The following PIGK variants were observed in gnomAD, a reference collection of about 807,000 sequenced individuals.
PIGK encodes phosphatidylinositol glycan anchor biosynthesis class K.
PIGK carries 42 observed loss-of-function variants against 50.6 expected under a neutral mutation model. The observed-to-expected ratio is 0.83, with a 90% CI of 0.65 to 1.07. The LOEUF is 1.07. Among genes scored for constraint, PIGK ranks in the 50% least tolerant of loss-of-function variants. The pLI, the probability that PIGK is intolerant of heterozygous loss-of-function variation, is 0.00. For synonymous variants in PIGK, 151 were observed against 156.0 expected, an observed-to-expected ratio of 0.97 and a Z score of 0.24; for missense variants, 448 against 488.7, an observed-to-expected ratio of 0.92 and a Z score of 0.78.
At chr1:77,132,588 G>T (rs1654402057) in intron 9 of PIGK, among the ~76,000 whole-genome samples, 1 of 151,832 alleles carries the variant, frequency 6.6e-6, no homozygotes, top group African/African-American at 2.4e-5. Flanking sequence ...AGATGGTGGG[G>T]TTTTTTGTCT....
Position 77,168,127 on chromosome 1 carries a change from T to A in PIGK, c.375+1133A>T, listed in dbSNP as rs935238105. On this transcript the variant is annotated intron_variant, in intron 4 of 10. Transcript: ENST00000370812. ...AGTGGTATCTTTAACATGTAAAAAA[T>A]TCATAACACTTTAAACGAGATTTTC... Among the ~76,000 whole-genome samples, 24 of 152,166 alleles carry A rather than the reference T, an allele frequency of 1.6e-4. No individual in the cohort carries two copies. The East Asian group carries it at 2.7e-3, about 17-fold the overall frequency.
chr1:77,214,098 A>C (rs778210351), intron 1 of PIGK, among the ~76,000 whole-genome samples: 1 of 152,268 alleles, frequency 6.6e-6, no homozygotes, highest in Non-Finnish European at 1.5e-5. Flanking sequence ...AATTCTACCA[A>C]ACTTTTAAAG....
intron 3 of PIGK, among the ~76,000 whole-genome samples, chr1:77,183,049 T>C (rs1468250404): frequency 3.3e-5 from 5 of 152,150 alleles, no homozygotes; most frequent in Non-Finnish European, 7.3e-5. Context: ...TCTTATCTCC[T>C]GTAGAGAAAG....
chr1:77,185,467 A>G (rs1570248827), intron 3 of PIGK, among the ~76,000 whole-genome samples: 1 of 152,168 alleles, frequency 6.6e-6, no homozygotes, highest in African/African-American at 2.4e-5. Flanking sequence ...ATTTCTAGGG[A>G]TCCAGTGGTG....
At chr1:77,166,272 C>T (rs765214378) in intron 5 of PIGK, among the ~76,000 whole-genome samples, 3 of 151,924 alleles carry the variant, frequency 2.0e-5, no homozygotes, top group Non-Finnish European at 4.4e-5. Flanking sequence ...GAATCCCAAC[C>T]CAGATGAAAA....
At chr1:77,152,198 A>G (rs1000976125) in intron 9 of PIGK, among the ~76,000 whole-genome samples, 1 of 152,052 alleles carries the variant, frequency 6.6e-6, no homozygotes, top group African/African-American at 2.4e-5. Context: ...AATAAATCCA[A>G]GCACTTACAG....
intron 10 of PIGK, among the ~76,000 whole-genome samples, chr1:77,121,867 G>C (rs1258673998): frequency 6.6e-6 from 1 of 152,114 alleles, no homozygotes; most frequent in African/African-American, 2.4e-5. Context: ...GATTGGGCAG[G>C]GTAAAGGATG....
At chr1:77,182,527 TACAC>T (rs34396665) in intron 3 of PIGK, among the ~76,000 whole-genome samples, 60 of 149,706 alleles carry the variant, frequency 4.0e-4, no homozygotes, top group Middle Eastern at 3.5e-3. Flanking sequence ...TATCTATCTG[TACAC>T]ACACACACAC....
intron 3 of PIGK, among the ~76,000 whole-genome samples, chr1:77,203,813 T>A (rs1011938751): frequency 1.3e-5 from 2 of 152,196 alleles, no homozygotes; most frequent in Admixed American, 1.3e-4. Flanking sequence ...TGTGAAGATT[T>A]CATGGACATT....
In PIGK at chr1:77,090,898, T is replaced by TAA. The variant is rs1557788400; in HGVS notation, c.*1475_*1476insTT. The TAA allele has an allele frequency of 2.0e-4, 30 of 152,202 alleles. No homozygotes were observed. The highest frequency in any genetic ancestry group is 6.5e-4 in the African/African-American group (27 of 41,452). The allele number at this position is 152,202 out of a possible 1,614,324, so 9.4% of individuals were successfully genotyped here. On this transcript the variant is annotated 3_prime_UTR_variant, in exon 11 of 11. Transcript: ENST00000370812. ...GGCAAAAAGCCTCAATATCATTTGT[T>TAA]CTAACTAGGGAGATAACACAGTCAA...
chr1:77,181,887 G>A (rs1655623297), intron 3 of PIGK, among the ~76,000 whole-genome samples: 1 of 152,150 alleles, frequency 6.6e-6, no homozygotes, highest in Admixed American at 6.5e-5. Context: ...GAATCTTCAA[G>A]TTAATAACTC....
chr1:77,186,143 CT>C (rs1655732154), intron 3 of PIGK, among the ~76,000 whole-genome samples: 1 of 152,240 alleles, frequency 6.6e-6, no homozygotes, highest in East Asian at 1.9e-4. Context: ...ATGGTCTCCA[CT>C]CTTGCCACCC....
chr1:77,106,266 C>T (rs990963401), intron 10 of PIGK, among the ~76,000 whole-genome samples: 2 of 152,104 alleles, frequency 1.3e-5, no homozygotes, highest in East Asian at 1.9e-4. Flanking sequence ...AGAGAATCAT[C>T]ACATGCTTTC....
intron 6 of PIGK, among the ~76,000 whole-genome samples, 166 bp from the exon 7 acceptor site, chr1:77,161,877 G>T (rs1570233753): frequency 6.6e-6 from 1 of 152,240 alleles, no homozygotes; most frequent in Non-Finnish European, 1.5e-5. Context: ...AAAGTTAAAG[G>T]TATAAATTTG....
chr1:77,103,265 T>A (rs1185088650), intron 10 of PIGK, among the ~76,000 whole-genome samples: 1 of 152,166 alleles, frequency 6.6e-6, no homozygotes, highest in African/African-American at 2.4e-5. Flanking sequence ...TATGGGACAA[T>A]AACGATTCTC....
At chr1:77,219,020 C>T (rs1656655817) in intron 1 of PIGK, among the ~76,000 whole-genome samples, 1 of 152,192 alleles carries the variant, frequency 6.6e-6, no homozygotes, top group Non-Finnish European at 1.5e-5. Flanking sequence ...TGCACACTGA[C>T]ATTTCACGAG....
At chr1:77,102,317 G>A (rs1011149856) in intron 10 of PIGK, among the ~76,000 whole-genome samples, 3 of 152,136 alleles carry the variant, frequency 2.0e-5, no homozygotes, top group African/African-American at 7.2e-5. Flanking sequence ...ATTGTGAGTG[G>A]TATGCTTTAA....
At position 77,161,682 on chromosome 1, in the gene PIGK, G is replaced by T. The variant is rs777283187; in HGVS notation, c.614C>A (p.Thr205Asn). The T allele has an allele frequency of 5.1e-6, 8 of 1,556,818 alleles. No homozygotes were observed. The highest frequency in any genetic ancestry group is 7.1e-6 in the Non-Finnish European group (8 of 1,127,924). ...TTCATACATGGATGCTCCTTGGCAA[G>T]TATCAATAATAAACAGTAGCTCATT... is the stretch of plus-strand genomic sequence containing the variant. ...RYNELLFIID[T>N]CQGASMYERF... Residue 205 changes from threonine to asparagine, a missense_variant, in exon 7 of 11, where the codon ACT becomes AAT. Coordinates refer to ENST00000370812, the MANE Select transcript of PIGK (RefSeq NM_005482.3).
At chr1:77,135,244 T>C (rs914458372) in intron 9 of PIGK, among the ~76,000 whole-genome samples, 2 of 152,130 alleles carry the variant, frequency 1.3e-5, no homozygotes, top group Admixed American at 1.3e-4. Context: ...TTTTTAAATA[T>C]GTAAATTTTT....
Sources: allele counts gnomAD v4.1 joint callset (sites outside exome capture counted in the v4.1 genomes callset), GRCh38; gene constraint gnomAD v4.1.1; transcripts MANE v1.5; gene names NCBI Gene and HGNC (gene_info 2026-07-23, HGNC 2026-07-21).